WWOX: variants seen among roughly 807,000 people sequenced by gnomAD.
WWOX encodes WW domain containing oxidoreductase, also known as WW domain-containing oxidoreductase.
A neutral mutation model predicts 46.2 loss-of-function variants in WWOX; 69 were observed. The observed-to-expected ratio is 1.49, with a 90% CI of 1.23 to 1.82. WWOX has a LOEUF of 1.82. Ranked by LOEUF, WWOX falls within the 40% of genes most tolerant of loss-of-function variation. The probability of loss-of-function intolerance (pLI) is 0.00; values close to 1 mark genes in which losing one functional copy is unlikely to be tolerated. For synonymous variants in WWOX, 359 were observed against 202.6 expected (o/e 1.77, Z -6.56); for missense variants, 919 against 542.6 (o/e 1.69, Z -6.89).
intron 6 of WWOX, among the ~76,000 whole-genome samples, chr16:78,394,654 A>T (rs1434325697): frequency 6.6e-6 from 1 of 152,222 alleles, no homozygotes; most frequent in Admixed American, 6.5e-5. Context: ...AATATTTGAG[A>T]ATTTTCAGAC....
chr16:78,737,198 C>G (rs1567526364), intron 8 of WWOX, among the ~76,000 whole-genome samples: 3 of 151,950 alleles, frequency 2.0e-5, no homozygotes, highest in Non-Finnish European at 4.4e-5. Context: ...CTCCCATGTT[C>G]AAGCTATTTT....
intron 5 of WWOX, among the ~76,000 whole-genome samples, chr16:78,290,749 G>C (rs1365247133): frequency 6.6e-6 from 1 of 152,118 alleles, no homozygotes; most frequent in African/African-American, 2.4e-5. Flanking sequence ...ATGGTAAAAG[G>C]AATAGCTTAA....
intron 6 of WWOX, among the ~76,000 whole-genome samples, chr16:78,395,376 G>A (rs2082261732): frequency 6.6e-6 from 1 of 152,154 alleles, no homozygotes; most frequent in Non-Finnish European, 1.5e-5. Flanking sequence ...GAAATTAGTT[G>A]GGTGTGGTGG....
At position 78,261,772 on chromosome 16, in the gene WWOX, G is replaced by A. The variant is rs1233175258; in HGVS notation, c.516+97483G>A. 5.1e-3 allele frequency among the ~76,000 whole-genome samples: 663 copies of A among 129,772 alleles called. 14 individuals are homozygous for A. Among genetic ancestry groups the A allele is most frequent in the Middle Eastern group, 0.015 (4 of 260 alleles). 85.1% of individuals were successfully genotyped at this position (129,772 alleles called of 152,430 possible). ...TGTGTCTGTCTATCTATCTATCTATGTATCTATCTATCTATCTATATATAT... is the reference window on the plus strand; with the variant it reads ...TGTGTCTGTCTATCTATCTATCTATATATCTATCTATCTATCTATATATAT... On this transcript the variant is annotated intron_variant, in intron 5 of 8. Coordinates refer to ENST00000566780, the MANE Select transcript of WWOX (RefSeq NM_016373.4).
chr16:79,199,061 T>G (rs1400208772), intron 8 of WWOX, among the ~76,000 whole-genome samples: 1 of 151,962 alleles, frequency 6.6e-6, no homozygotes, highest in Non-Finnish European at 1.5e-5. Flanking sequence ...CCCCGGTGTT[T>G]TTATTTTATT....
chr16:78,754,262 C>A (rs1385799347), intron 8 of WWOX, among the ~76,000 whole-genome samples: 4 of 152,034 alleles, frequency 2.6e-5, no homozygotes, highest in Non-Finnish European at 4.4e-5. Flanking sequence ...CTTCCTTCTT[C>A]CTTAAGGGCC....
At chr16:78,613,247 C>T (rs961156659) in intron 8 of WWOX, among the ~76,000 whole-genome samples, 2 of 152,168 alleles carry the variant, frequency 1.3e-5, no homozygotes, top group Non-Finnish European at 2.9e-5. Flanking sequence ...CCCAACATCT[C>T]TACCTTCTCC....
intron 8 of WWOX, among the ~76,000 whole-genome samples, chr16:78,828,930 A>G (rs949228880): frequency 2.6e-5 from 4 of 152,236 alleles, no homozygotes; most frequent in Non-Finnish European, 4.4e-5. Flanking sequence ...TAAGGTAATC[A>G]AAACTTATAG....
chr16:78,873,907 C>G (rs967684658), intron 8 of WWOX, among the ~76,000 whole-genome samples: 3 of 152,154 alleles, frequency 2.0e-5, no homozygotes, highest in South Asian at 2.1e-4. Context: ...GTCCTAGTGT[C>G]TCTGAAGACT....
chr16:78,985,456 G>A (rs918115301), intron 8 of WWOX, among the ~76,000 whole-genome samples: 4 of 152,160 alleles, frequency 2.6e-5, no homozygotes, highest in Admixed American at 6.5e-5. Flanking sequence ...CCTGTCACTA[G>A]TGGAAGTCGC....
chr16:78,743,057 T>G (rs963010692), intron 8 of WWOX, among the ~76,000 whole-genome samples: 2 of 152,030 alleles, frequency 1.3e-5, no homozygotes, highest in Non-Finnish European at 2.9e-5. Flanking sequence ...GCCGTGCTCA[T>G]GAACAGGAAG....
chr16:78,755,396 G>A (rs2049617892), intron 8 of WWOX, among the ~76,000 whole-genome samples: 1 of 152,116 alleles, frequency 6.6e-6, no homozygotes, highest in Non-Finnish European at 1.5e-5. Context: ...AGGCCTTGTT[G>A]CTATTCCCCT....
At chr16:78,601,567 T>C (rs977272957) in intron 8 of WWOX, among the ~76,000 whole-genome samples, 1 of 152,224 alleles carries the variant, frequency 6.6e-6, no homozygotes, top group Non-Finnish European at 1.5e-5. Flanking sequence ...ATAAGCACTT[T>C]CCGTTAAAGG....
At chr16:78,898,830 C>G (rs749820031) in intron 8 of WWOX, 3 of 152,058 alleles carry the variant, frequency 2.0e-5, no homozygotes, top group Non-Finnish European at 4.4e-5. Context: ...AGGTCTTATA[C>G]TTTTTTGTTA....
chr16:78,626,943 G>T (rs138942309), intron 8 of WWOX, among the ~76,000 whole-genome samples: 19 of 152,222 alleles, frequency 1.2e-4, no homozygotes, highest in Non-Finnish European at 2.5e-4. Flanking sequence ...GTTGGCTCCT[G>T]TGTTCTTGTG....
chr16:78,346,817 G>A lies in WWOX; in HGVS notation c.517-40043G>A, dbSNP rs1334751171. On this transcript the variant is annotated intron_variant, in intron 5 of 8. Coordinates refer to ENST00000566780, the MANE Select transcript of WWOX (RefSeq NM_016373.4). ...CCTACTGGGTTCAAGCGATTTTCCT[G>A]CCTCAGTCTCTTGAGTAGCTGGTGT... 4.2e-5 allele frequency among the ~76,000 whole-genome samples: 5 copies of A among 120,200 alleles called. 1 individual carries two copies. Among genetic ancestry groups the A allele is most frequent in the Non-Finnish European group, 9.9e-5 (5 of 50,356 alleles). 78.9% of individuals were successfully genotyped at this position (120,200 alleles called of 152,430 possible).
chr16:79,062,247 C>G (rs1028924770), intron 8 of WWOX, among the ~76,000 whole-genome samples: 1 of 152,180 alleles, frequency 6.6e-6, no homozygotes, highest in African/African-American at 2.4e-5. Context: ...CATAATGGGA[C>G]ATATCATTTT....
At chr16:79,180,972 T>A (rs2050899699) in intron 8 of WWOX, among the ~76,000 whole-genome samples, 5 of 152,228 alleles carry the variant, frequency 3.3e-5, no homozygotes, top group Admixed American at 2.6e-4. Flanking sequence ...ACAGTTGAGA[T>A]CATATTGTAT....
intron 8 of WWOX, among the ~76,000 whole-genome samples, chr16:79,128,662 G>A (rs1044032812): frequency 6.6e-6 from 1 of 152,170 alleles, no homozygotes; most frequent in African/African-American, 2.4e-5. Flanking sequence ...CTCAACTGAG[G>A]AATTCTAATG....
Sources: allele counts gnomAD v4.1 joint callset (sites outside exome capture counted in the v4.1 genomes callset), GRCh38; gene constraint gnomAD v4.1.1; transcripts MANE v1.5; gene names NCBI Gene and HGNC (gene_info 2026-07-23, HGNC 2026-07-21).